The following HNF1B variants were observed in gnomAD, a reference collection of about 807,000 sequenced individuals.
HNF1B encodes the protein hepatocyte nuclear factor 1-beta.
HNF1B carries 8 observed loss-of-function variants against 61.7 expected under a neutral mutation model. The ratio of observed to expected loss-of-function variants is 0.13; its 90% CI spans 0.08 to 0.23. The LOEUF is 0.23. Ranked by LOEUF, HNF1B falls within the 10% of genes least tolerant of loss-of-function variation. The pLI is 1.00. For synonymous variants in HNF1B, 314 were observed against 287.7 expected, an observed-to-expected ratio of 1.09 and a Z score of -0.93; for missense variants, 562 against 714.5, an observed-to-expected ratio of 0.79 and a Z score of 2.43.
At position 37,744,615 on chromosome 17, in the gene HNF1B, G is replaced by T; in HGVS notation, c.270C>A (p.Pro90=). ...TGAGCGCCTGCAGCTCCTTGAGGAT[G>T]GGAGGTGTGTCATAGTCGTCGCCGT... ...SEDGDDYDTP[P]ILKELQALNT... The change falls in exon 1 of 9, where the codon CCC becomes CCA. Residue 90 remains proline (P), a synonymous_variant. Coordinates refer to ENST00000617811, the MANE Select transcript of HNF1B (RefSeq NM_000458.4). 6.2e-7 allele frequency: 1 copy of T among 1,610,634 alleles called. No individual in the cohort carries two copies.
At chr17:37,695,860 A>G (rs1045024179) in intron 8 of HNF1B, among the ~76,000 whole-genome samples, 8 of 152,314 alleles carry the variant, frequency 5.3e-5, no homozygotes, top group African/African-American at 1.9e-4. Flanking sequence ...TCATAGGTGG[A>G]AGGACTTGCT....
intron 6 of HNF1B, among the ~76,000 whole-genome samples, chr17:37,701,793 G>C (rs1057104740): frequency 6.6e-6 from 1 of 152,146 alleles, no homozygotes; most frequent in South Asian, 2.1e-4. Flanking sequence ...TCTGCGAGGC[G>C]GGCATATCTT....
intron 4 of HNF1B, among the ~76,000 whole-genome samples, chr17:37,712,668 G>C (rs1192053762): frequency 1.3e-5 from 2 of 152,170 alleles, no homozygotes; most frequent in African/African-American, 2.4e-5. Context: ...AACCAACTCA[G>C]GTTCAAATTC....
At chr17:37,737,797 T>C (rs1299200004) in intron 2 of HNF1B, among the ~76,000 whole-genome samples, 1 of 152,080 alleles carries the variant, frequency 6.6e-6, no homozygotes. Context: ...ATCGCGCCAC[T>C]GCACTCCAGT....
intron 4 of HNF1B, among the ~76,000 whole-genome samples, chr17:37,713,260 A>G (rs866627718): frequency 2.0e-5 from 3 of 152,352 alleles, no homozygotes; most frequent in South Asian, 4.1e-4. Flanking sequence ...GATTTAGCCT[A>G]TTTAATTTGG....
intron 1 of HNF1B, among the ~76,000 whole-genome samples, chr17:37,744,296 G>T (rs940811486): frequency 2.6e-5 from 4 of 152,396 alleles, no homozygotes; most frequent in Non-Finnish European, 5.9e-5. Flanking sequence ...CAGCCCCGCG[G>T]GGAAAAGCCC....
chr17:37,692,496 T>C (rs2032236920), intron 8 of HNF1B, among the ~76,000 whole-genome samples: 1 of 152,160 alleles, frequency 6.6e-6, no homozygotes, highest in Non-Finnish European at 1.5e-5. Flanking sequence ...GGTATAAAAA[T>C]AACGACCTTG....
intron 8 of HNF1B, among the ~76,000 whole-genome samples, chr17:37,693,189 CAAAAAAAAAAAAA>C (rs11464180): frequency 2.3e-4 from 11 of 47,768 alleles, no homozygotes; most frequent in African/African-American, 7.2e-4. Flanking sequence ...GATTCCATCT[CAAAAAAAAAAAAA>C]AAAAAAAAAA....
At position 37,744,944 on chromosome 17, in the gene HNF1B, G is replaced by A. The variant is rs1598855104; in HGVS notation, c.-60C>T. On this transcript the variant is annotated 5_prime_UTR_variant, in exon 1 of 9. Coordinates refer to ENST00000617811, the MANE Select transcript of HNF1B (RefSeq NM_000458.4). The stretch of plus-strand genomic sequence containing the variant: ...TGGGTGGGTGCGAGAGAGGAGGGTG[G>A]AGGGGAGTTTCACAAGCAAACCCCA... The A allele has an allele frequency of 2.1e-6, 3 of 1,404,516 alleles. No homozygotes were observed. The highest frequency in any genetic ancestry group is 3.0e-6 in the Non-Finnish European group (3 of 1,008,726). 87.0% of individuals were successfully genotyped at this position (1,404,516 alleles called of 1,614,324 possible). A position where few individuals can be genotyped will look rare whatever the true frequency, so the allele number is the denominator to read the frequency against.
chr17:37,692,445 C>T (rs2032235057), intron 8 of HNF1B, among the ~76,000 whole-genome samples: 1 of 152,224 alleles, frequency 6.6e-6, no homozygotes, highest in South Asian at 2.1e-4. Flanking sequence ...TGACCAGATC[C>T]ATACCCATCT....
chr17:37,723,253 C>A (rs534210862), intron 4 of HNF1B, among the ~76,000 whole-genome samples: 21 of 151,214 alleles, frequency 1.4e-4, no homozygotes, highest in South Asian at 1.3e-3. Flanking sequence ...AGGCTGAGGC[C>A]GGAGAATGGC....
At position 37,705,891 on chromosome 17, in the gene HNF1B, C is replaced by A. The variant is rs145260685; in HGVS notation, c.1207-842G>T. On this transcript the variant is annotated intron_variant, in intron 5 of 8. Coordinates refer to ENST00000617811, the MANE Select transcript of HNF1B (RefSeq NM_000458.4). ...TTAACTCTAATTGTAATTATAAGGGCGCGATCAGTTTTAAACACACCTACA... is the reference window on the plus strand; with the variant it reads ...TTAACTCTAATTGTAATTATAAGGGAGCGATCAGTTTTAAACACACCTACA... Among the ~76,000 whole-genome samples, 131 of 152,220 alleles carry A rather than the reference C, an allele frequency of 8.6e-4. 1 individual carries two copies. In the East Asian group the frequency reaches 0.023, roughly 27 times the overall value.
At chr17:37,690,234 A>C (rs975575837) in intron 8 of HNF1B, among the ~76,000 whole-genome samples, 1 of 152,204 alleles carries the variant, frequency 6.6e-6, no homozygotes, top group Non-Finnish European at 1.5e-5. Context: ...CAGACACCAC[A>C]AATGCAGGAG....
chr17:37,744,424 G>C (rs2034102514), intron 1 of HNF1B, 117 bp downstream of exon 1: 1 of 1,045,080 alleles, frequency 9.6e-7, no homozygotes, highest in Non-Finnish European at 1.4e-6. Context: ...CGCCCCCCGG[G>C]GGACTTCTCT....
Position 37,701,142 on chromosome 17 carries a change from T to C in HNF1B, c.1375A>G (p.Ile459Val), listed in dbSNP as rs950617131. ...GCCAGGCTGCCGGCCACACTGTTGA[T>C]GACAGGGACACTCTGTGCTTGGGAG... ...NTSQAQSVPV[I>V]NSVAGSLAAL... The change falls in exon 7 of 9, where the codon ATC becomes GTC. Residue 459 changes from isoleucine (I) to valine (V), a missense_variant. This residue lies in a region of HNF1B where 211 missense variants were observed against 200.7 expected (regional missense o/e 1.05). Transcript: ENST00000617811. 2.6e-6 allele frequency: 4 copies of C among 1,551,826 alleles called. No homozygotes were observed. The highest frequency in any genetic ancestry group is 2.7e-5 in the African/African-American group (2 of 73,254).
chr17:37,742,944 C>A (rs1004497869), intron 1 of HNF1B, among the ~76,000 whole-genome samples: 2 of 151,548 alleles, frequency 1.3e-5, no homozygotes, highest in African/African-American at 4.9e-5. Flanking sequence ...TTTACAACTT[C>A]ACCAATGAAT....
At position 37,716,786 on chromosome 17, in the gene HNF1B, A is replaced by C. The variant is rs563206413; in HGVS notation, c.1046-6123T>G. ...TCAGCTCTAAGAGCTTCAAAAAATC[A>C]TGGAATTCCATGATTCCAGAGATCA... is the stretch of plus-strand genomic sequence containing the variant. On this transcript the variant is annotated intron_variant, in intron 4 of 8. Transcript: ENST00000617811. Among the ~76,000 whole-genome samples, 6 of 151,944 alleles carry C rather than the reference A, an allele frequency of 3.9e-5. No homozygotes were observed. The South Asian group carries it at 1.3e-3, about 32-fold the overall frequency.
At chr17:37,726,342 A>G (rs1353008619) in intron 4 of HNF1B, among the ~76,000 whole-genome samples, 1 of 152,206 alleles carries the variant, frequency 6.6e-6, no homozygotes, top group Non-Finnish European at 1.5e-5. Flanking sequence ...TAAAATGAAG[A>G]TGACACTAGA....
chr17:37,724,559 G>A (rs915534678), intron 4 of HNF1B, among the ~76,000 whole-genome samples: 1 of 152,178 alleles, frequency 6.6e-6, no homozygotes, highest in African/African-American at 2.4e-5. Context: ...TTTTTAAACA[G>A]TTGAGAAAAA....
Sources: allele counts gnomAD v4.1 joint callset (sites outside exome capture counted in the v4.1 genomes callset), GRCh38; gene constraint gnomAD v4.1.1; regional missense constraint gnomAD v4.1.1; transcripts MANE v1.5; gene names NCBI Gene and HGNC (gene_info 2026-07-23, HGNC 2026-07-21).